KATNA1: variants seen among roughly 807,000 people sequenced by gnomAD.
The protein encoded by KATNA1 is katanin catalytic subunit A1.
KATNA1 carries 42 observed loss-of-function variants against 62.6 expected under a neutral mutation model. The ratio of observed to expected loss-of-function variants is 0.67; its 90% CI spans 0.52 to 0.87. KATNA1 has a LOEUF of 0.87. KATNA1 is among the 40% of genes least tolerant of loss of function. The pLI is 0.00. For synonymous variants in KATNA1, 186 were observed against 201.9 expected (o/e 0.92, Z 0.67); for missense variants, 498 against 612.5 (o/e 0.81, Z 1.97).
intron 6 of KATNA1, among the ~76,000 whole-genome samples, chr6:149,602,491 AGT>A (rs1398579296): frequency 2.0e-5 from 3 of 152,144 alleles, no homozygotes; most frequent in African/African-American, 7.2e-5. Context: ...GTTACCTATC[AGT>A]GTGTTTTCCA....
chr6:149,624,923 C>T (rs1779548550), intron 3 of KATNA1, among the ~76,000 whole-genome samples: 1 of 147,528 alleles, frequency 6.8e-6, no homozygotes, highest in Admixed American at 7.0e-5. Context: ...CTCATGAAGA[C>T]AGAAAAGAAA....
intron 4 of KATNA1, among the ~76,000 whole-genome samples, chr6:149,622,390 T>C (rs1779434411): frequency 6.6e-6 from 1 of 152,086 alleles, no homozygotes; most frequent in Admixed American, 6.6e-5. Context: ...CATTCTGAAA[T>C]ATTGAAGGTT....
intron 7 of KATNA1, among the ~76,000 whole-genome samples, chr6:149,598,924 A>G (rs1403570935): frequency 1.3e-5 from 2 of 151,892 alleles, no homozygotes; most frequent in African/African-American, 2.4e-5. Flanking sequence ...GAGTGCAGTG[A>G]TATGATTTTG....
At chr6:149,642,284 T>C (rs1225918461) in intron 1 of KATNA1, among the ~76,000 whole-genome samples, 4 of 152,178 alleles carry the variant, frequency 2.6e-5, no homozygotes, top group African/African-American at 9.6e-5. Context: ...AATCTTTACA[T>C]CAATTTGCAG....
intron 1 of KATNA1, among the ~76,000 whole-genome samples, chr6:149,644,502 G>C (rs1267493130): frequency 6.6e-6 from 1 of 151,940 alleles, no homozygotes; most frequent in East Asian, 1.9e-4. Flanking sequence ...CACACCTGTA[G>C]TCCCAGCTAC....
intron 4 of KATNA1, among the ~76,000 whole-genome samples, chr6:149,613,137 G>A (rs1562286818): frequency 3.4e-5 from 4 of 119,106 alleles, no homozygotes; most frequent in East Asian, 2.8e-4. Flanking sequence ...TGGGGATCAC[G>A]CCACTGCACT....
In KATNA1 at chr6:149,598,159, T is replaced by C. The variant is rs1778398955; in HGVS notation, c.1015+65A>G. On this transcript the variant is annotated intron_variant, in intron 8 of 10. Coordinates refer to ENST00000367411, the MANE Select transcript of KATNA1 (RefSeq NM_007044.4). ...GCACTATGAGTAAAGTTTGACCCAC[T>C]GGAACTGGAGACACCACACCTAACA... 1.1e-5 allele frequency: 18 copies of C among 1,574,632 alleles called. No individual in the cohort carries two copies. In the South Asian group the frequency reaches 2.0e-4, roughly 17 times the overall value.
At chr6:149,628,136 C>A (rs541648020) in intron 3 of KATNA1, among the ~76,000 whole-genome samples, 4 of 151,046 alleles carry the variant, frequency 2.6e-5, no homozygotes, top group South Asian at 2.1e-4. Context: ...GAGTGTCTGT[C>A]GCCCAGGCTG....
intron 1 of KATNA1, among the ~76,000 whole-genome samples, chr6:149,642,637 C>T (rs992548287): frequency 6.6e-6 from 1 of 152,068 alleles, no homozygotes; most frequent in African/African-American, 2.4e-5. Flanking sequence ...ATGGATGGAT[C>T]ATCAAAATAC....
chr6:149,611,227 A>G (rs1397151848), intron 4 of KATNA1, among the ~76,000 whole-genome samples: 1 of 152,156 alleles, frequency 6.6e-6, no homozygotes, highest in Non-Finnish European at 1.5e-5. Flanking sequence ...TTGGGAGGCC[A>G]AGGCAGGAGG....
intron 4 of KATNA1, among the ~76,000 whole-genome samples, chr6:149,608,524 C>T (rs1764148096): frequency 6.6e-6 from 1 of 152,156 alleles, no homozygotes; most frequent in Non-Finnish European, 1.5e-5. Context: ...AGACTTGTGG[C>T]CCCGGCCCCA....
At chr6:149,623,373 G>A (rs878875531) in intron 3 of KATNA1, 90 bp from the exon 4 acceptor site, 369 of 860,476 alleles carry the variant, frequency 4.3e-4, no homozygotes, top group Middle Eastern at 2.4e-4. Flanking sequence ...ATGAACTAAA[G>A]AAGCCAATGC....
chr6:149,603,931 G>A (rs1264530723), intron 5 of KATNA1, among the ~76,000 whole-genome samples: 1 of 152,048 alleles, frequency 6.6e-6, no homozygotes, highest in African/African-American at 2.4e-5. Flanking sequence ...TATTTTCATT[G>A]TATAAAATAT....
chr6:149,613,702 A>G (rs1054081857), intron 4 of KATNA1, among the ~76,000 whole-genome samples: 1 of 152,102 alleles, frequency 6.6e-6, no homozygotes, highest in Non-Finnish European at 1.5e-5. Flanking sequence ...TCCAGGGGGA[A>G]ACCTGGATAG....
chr6:149,629,282 G>T lies in KATNA1; in HGVS notation c.320+3477C>A, dbSNP rs60909651. Among the ~76,000 whole-genome samples the T allele has an allele frequency of 3.6e-3, 553 of 152,212 alleles. 3 individuals are homozygous for T. Among genetic ancestry groups the T allele is most frequent in the African/African-American group, 0.013 (526 of 41,558 alleles). ...AGTTCATATGTTAAAGCCCCAGTGC[G>T]CAATATGAATATTAGGAGTAAGGAA... On this transcript the variant is annotated intron_variant, in intron 3 of 10. Transcript: ENST00000367411.
rs1007206217 is a variant in KATNA1, at chr6:149,636,249, C to T, written c.162+2137G>A. Among the ~76,000 whole-genome samples, 8 of 151,902 alleles carry T rather than the reference C, an allele frequency of 5.3e-5. No individual in the cohort carries two copies. In the East Asian group the frequency reaches 9.7e-4, roughly 18 times the overall value. ...AACAAAAGATCTAAAAAGTCCTTCACTGACAAACTTAAGACTCCTTATGAA... is the reference window on the plus strand; with the variant it reads ...AACAAAAGATCTAAAAAGTCCTTCATTGACAAACTTAAGACTCCTTATGAA... On this transcript the variant is annotated intron_variant, in intron 2 of 10. Transcript: ENST00000367411.
chr6:149,626,174 T>C (rs1185858980), intron 3 of KATNA1, among the ~76,000 whole-genome samples: 3 of 152,024 alleles, frequency 2.0e-5, no homozygotes, highest in East Asian at 3.8e-4. Flanking sequence ...GTCGACCAAT[T>C]GCCAATGAAA....
chr6:149,628,262 T>TG (rs1219756517), intron 3 of KATNA1, among the ~76,000 whole-genome samples: 2 of 124,574 alleles, frequency 1.6e-5, no homozygotes, highest in African/African-American at 5.8e-5. Flanking sequence ...CATGCCCGGC[T>TG]AATTTTTTTT....
chr6:149,618,384 G>A (rs750573256), intron 4 of KATNA1, among the ~76,000 whole-genome samples: 2 of 150,838 alleles, frequency 1.3e-5, no homozygotes, highest in Non-Finnish European at 3.0e-5. Flanking sequence ...AGGCTGAGCA[G>A]AGACAATTGC....
Sources: gnomAD v4.1 joint callset for allele counts (sites outside exome capture counted in the v4.1 genomes callset) on GRCh38, gnomAD v4.1.1 for gene constraint, MANE v1.5 for transcripts, NCBI Gene and HGNC (gene_info 2026-07-23, HGNC 2026-07-21) for gene names.